FBN1: variants seen among roughly 807,000 people sequenced by gnomAD.
The protein encoded by FBN1 is fibrillin-1.
A neutral mutation model predicts 365.1 loss-of-function variants in FBN1; 29 were observed. The ratio of observed to expected loss-of-function variants is 0.08; its 90% confidence interval spans 0.06 to 0.11. The LOEUF is 0.11. Ranked by LOEUF, FBN1 falls within the 10% of genes least tolerant of loss-of-function variation. FBN1 has a pLI of 1.00. For missense variants in FBN1, 2,476 were observed against 3,703.2 expected (o/e 0.67, Z 8.60); for synonymous variants, 1,210 against 1,270.5 (o/e 0.95, Z 1.01).
At chr15:48,612,345 G>T (rs1365451708) in intron 3 of FBN1, among the ~76,000 whole-genome samples, 1 of 152,122 alleles carries the variant, frequency 6.6e-6, no homozygotes, top group African/African-American at 2.4e-5. Context: ...CTGAAAACTG[G>T]ACATTATTTC....
intron 2 of FBN1, among the ~76,000 whole-genome samples, chr15:48,617,694 G>C (rs756449180): frequency 3.9e-5 from 6 of 152,182 alleles, no homozygotes; most frequent in Non-Finnish European, 8.8e-5. Flanking sequence ...CTTGGATTCA[G>C]TTAAACATAG....
chr15:48,523,725 A>AGGG (rs1566918987), intron 9 of FBN1, among the ~76,000 whole-genome samples: 19 of 138,044 alleles, frequency 1.4e-4, no homozygotes, highest in African/African-American at 5.6e-4. Flanking sequence ...GGGGGGGGGA[A>AGGG]CCGTTGTGGT....
At chr15:48,610,669 G>A in intron 4 of FBN1, 59 bp downstream of exon 4, 2 of 1,297,162 alleles carry the variant, frequency 1.5e-6, no homozygotes, top group Non-Finnish European at 2.2e-6. Context: ...TCAAATTTAG[G>A]AGAAAATGGG....
At chr15:48,516,421 C>T (rs2043803206) in intron 10 of FBN1, 59 bp from the exon 11 acceptor site, 2 of 1,504,992 alleles carry the variant, frequency 1.3e-6, no homozygotes, top group Non-Finnish European at 1.8e-6. Context: ...GATCATAGGC[C>T]CACAGAAGTC....
chr15:48,441,751 A>G lies in FBN1; in HGVS notation c.6133T>C (p.Ser2045Pro). 3 of 1,613,722 alleles carry G rather than the reference A, an allele frequency of 1.9e-6. No homozygotes were observed. The South Asian group carries it at 3.3e-5, about 18-fold the overall frequency. Residue 2045 changes from serine (S) to proline (P), a missense_variant, in exon 50 of 66, where the codon TCC becomes CCC. By Grantham distance (74) the Ser-to-Pro change is moderately conservative (BLOSUM62 -1). Around this residue, in one of 5 missense-constraint regions of FBN1, gnomAD observed 1,780 missense variants for 2,840.8 expected, o/e 0.63. Coordinates refer to ENST00000316623, the MANE Select transcript of FBN1 (RefSeq NM_000138.5). Reference protein sequence around the residue: ...SFKCLCPEGFSLSSSGRRCQD... With the variant: ...SFKCLCPEGFPLSSSGRRCQD... ...CACCTTCTTCCACTGGAGGACAAGG[A>G]AAACCCTTCTGGACACAGACATTTG...
intron 5 of FBN1, among the ~76,000 whole-genome samples, chr15:48,599,805 A>C (rs1226834261): frequency 6.6e-6 from 1 of 152,206 alleles, no homozygotes; most frequent in Admixed American, 6.5e-5. Context: ...CAAGTGTTGA[A>C]GTTCAGCAAG....
In FBN1 at chr15:48,526,158, G is replaced by A; in HGVS notation, c.960C>T (p.Tyr320=). 6.2e-7 allele frequency: 1 copy of A among 1,614,106 alleles called. No homozygotes were observed. The highest frequency in any genetic ancestry group is 2.2e-5 in the East Asian group (1 of 44,876). The stretch of plus-strand genomic sequence containing the variant: ...TGCATCTGGTACCATCTGGAGAGGT[G>A]TAAAAACCAGGGGGACATTTGCAAA... ...SYFCKCPPGF[Y]TSPDGTRCID... Residue 320 remains tyrosine (Y), a synonymous_variant, in exon 9 of 66, where the codon TAC becomes TAT. Transcript: ENST00000316623.
In FBN1 at chr15:48,523,045, T is replaced by A. The variant is rs75820040; in HGVS notation, c.989-2228A>T. On this transcript the variant is annotated intron_variant, in intron 9 of 65. Transcript: ENST00000316623. ...AAGAGGGCAGAGAAATTGAACTTCC[T>A]ACATTCTAATTTGTAATGCCTTAAA... Among the ~76,000 whole-genome samples, 653 of 152,338 alleles carry A rather than the reference T, an allele frequency of 4.3e-3. 19 individuals carry two copies. In the East Asian group the frequency reaches 0.064, roughly 15 times the overall value.
intron 6 of FBN1, among the ~76,000 whole-genome samples, chr15:48,544,307 T>C (rs1336853320): frequency 6.6e-6 from 1 of 152,170 alleles, no homozygotes; most frequent in Admixed American, 6.5e-5. Context: ...ACAGTGTTAT[T>C]AAAAGAATAC....
chr15:48,496,600 T>C (rs2043611015), intron 19 of FBN1, among the ~76,000 whole-genome samples: 1 of 152,192 alleles, frequency 6.6e-6, no homozygotes, highest in African/African-American at 2.4e-5. Flanking sequence ...ACCTTATTGA[T>C]TTAAGGAACT....
intron 41 of FBN1, among the ~76,000 whole-genome samples, chr15:48,463,450 A>G (rs2141267079): frequency 6.6e-6 from 1 of 152,346 alleles, no homozygotes; most frequent in African/African-American, 2.4e-5. Flanking sequence ...ACATTCCCTG[A>G]TATTTCATGC....
chr15:48,436,912 C>T (rs1188258620), intron 53 of FBN1, 49 bp downstream of exon 53: 5 of 1,184,052 alleles, frequency 4.2e-6, no homozygotes, highest in Non-Finnish European at 6.3e-6. Context: ...TACTGTATAG[C>T]TTAATTTTTA....
chr15:48,548,314 A>G (rs2044113460), intron 6 of FBN1, among the ~76,000 whole-genome samples: 1 of 152,208 alleles, frequency 6.6e-6, no homozygotes, highest in Non-Finnish European at 1.5e-5. Context: ...TTTATGGCAC[A>G]GACTAGCAAT....
rs140582 is a variant in FBN1, at chr15:48,495,596, A to G, written c.2420-8T>C. On this transcript the variant is annotated splice_polypyrimidine_tract_variant and splice_region_variant and intron_variant, in intron 20 of 65. Coordinates refer to ENST00000316623, the MANE Select transcript of FBN1 (RefSeq NM_000138.5). ...ATTCGCATTCATCAATGTCTGAAAC[A>G]AAAACAGGTCTACATTACTGCTAAA... 416 of 1,614,058 alleles carry G rather than the reference A, an allele frequency of 2.6e-4. 3 individuals carry two copies. The African/African-American group carries it at 4.9e-3, about 19-fold the overall frequency.
In FBN1 at chr15:48,412,579, G is replaced by A. The variant is rs1234746045; in HGVS notation, c.8216C>T (p.Ser2739Phe). 2 of 1,613,918 alleles carry A rather than the reference G, an allele frequency of 1.2e-6. No homozygotes were observed. The highest frequency in any genetic ancestry group is 2.7e-5 in the African/African-American group (2 of 74,918). ...TAACTTCTGACCCACCTCGATATTG[G>A]AGGCATCAGTTTCGTTTGTGCTTCT... ...KRRSTNETDA[S>F]NIEDQSETEA... Residue 2739 changes from serine (S) to phenylalanine (F), a missense_variant, in exon 65 of 66, where the codon TCC (serine) becomes TTC (phenylalanine). Around this residue, in one of 5 missense-constraint regions of FBN1, gnomAD observed 177 missense variants for 192.7 expected, o/e 0.92. Transcript: ENST00000316623.
At chr15:48,605,568 T>C (rs1026509446) in intron 4 of FBN1, among the ~76,000 whole-genome samples, 1 of 152,080 alleles carries the variant, frequency 6.6e-6, no homozygotes, top group East Asian at 1.9e-4. Flanking sequence ...AACAAACAAT[T>C]CAATTAGCAT....
intron 60 of FBN1, among the ~76,000 whole-genome samples, chr15:48,422,715 T>G (rs2042952894): frequency 1.3e-5 from 2 of 152,314 alleles, no homozygotes; most frequent in Admixed American, 6.5e-5. Context: ...TCCCAGCACT[T>G]TGGGAGGCCA....
In FBN1 at chr15:48,452,531, A is replaced by G. The variant is rs762784722; in HGVS notation, c.5545+31T>C. On this transcript the variant is annotated intron_variant, in intron 45 of 65. Coordinates refer to ENST00000316623, the MANE Select transcript of FBN1 (RefSeq NM_000138.5). ...GCTTCATGAAGACAAACTCTTGGGTAGGCATGTCCAGCCTGTGGGGCACTA... is the reference window on the plus strand; with the variant it reads ...GCTTCATGAAGACAAACTCTTGGGTGGGCATGTCCAGCCTGTGGGGCACTA... 4 of 1,613,546 alleles carry G rather than the reference A, an allele frequency of 2.5e-6. No individual in the cohort carries two copies. The East Asian group carries it at 6.7e-5, about 27-fold the overall frequency.
rs1345051744 is a variant in FBN1 at position 48,534,119 on chromosome 15, C to T, written c.823G>A (p.Ala275Thr). The T allele has an allele frequency of 4.3e-6, 7 of 1,613,570 alleles. No individual in the cohort carries two copies. The highest frequency in any genetic ancestry group is 5.9e-6 in the Non-Finnish European group (7 of 1,179,916). The change falls in exon 8 of 66, where the codon GCT becomes ACT. Residue 275 changes from alanine (A) to threonine (T), a missense_variant. Around this residue, in one of 5 missense-constraint regions of FBN1, gnomAD observed 421 missense variants for 520.1 expected, o/e 0.81. Transcript: ENST00000316623. ...TVGSFECKCPAGHKLNEVSQK... is the reference protein window; with the variant it reads ...TVGSFECKCPTGHKLNEVSQK... ...GACACTTCATTAAGTTTGTGTCCAG[C>T]AGGGCATTTGCACTCAAAAGACCCA...
Sources: gnomAD v4.1 joint callset for allele counts (sites outside exome capture counted in the v4.1 genomes callset) on GRCh38, gnomAD v4.1.1 for gene constraint, gnomAD v4.1.1 regional missense constraint, MANE v1.5 for transcripts, NCBI Gene and HGNC (gene_info 2026-07-23, HGNC 2026-07-21) for gene names.